DPP6: variants seen among roughly 807,000 people sequenced by gnomAD.
DPP6 encodes dipeptidyl peptidase like 6, also known as A-type potassium channel modulatory protein DPP6.
DPP6 carries 69 observed loss-of-function variants against 122.6 expected under a neutral mutation model. The observed-to-expected ratio is 0.56, with a 90% CI of 0.46 to 0.69. The LOEUF is 0.69. Among genes scored for constraint, DPP6 ranks in the 30% least tolerant of loss-of-function variants. DPP6 has a pLI of 0.00. For missense variants in DPP6, 928 were observed against 1,116.9 expected, an observed-to-expected ratio of 0.83 and a Z score of 2.41; for synonymous variants, 418 against 433.1, an observed-to-expected ratio of 0.97 and a Z score of 0.43.
intron 6 of DPP6, among the ~76,000 whole-genome samples, chr7:154,664,859 T>A (rs571496763): frequency 6.6e-6 from 1 of 152,330 alleles, no homozygotes; most frequent in South Asian, 2.1e-4. Context: ...ATATTTCTCA[T>A]GTCACCACTC....
chr7:153,998,123 A>C (rs1251870772), intron 1 of DPP6, among the ~76,000 whole-genome samples: 3 of 151,818 alleles, frequency 2.0e-5, no homozygotes, highest in East Asian at 3.9e-4. Context: ...CAGTTAGGAA[A>C]ATAAGACCAA....
intron 1 of DPP6, among the ~76,000 whole-genome samples, chr7:153,946,749 T>C (rs921907360): frequency 2.0e-5 from 3 of 152,070 alleles, no homozygotes; most frequent in Admixed American, 6.6e-5. Flanking sequence ...TGGGAAGTAA[T>C]TGATATGGAT....
chr7:154,314,112 G>A (rs1341081058), intron 1 of DPP6, among the ~76,000 whole-genome samples: 4 of 152,096 alleles, frequency 2.6e-5, no homozygotes, highest in South Asian at 2.1e-4. Context: ...GCTAACTTAC[G>A]GGGGAGTTGG....
At chr7:154,538,221 A>G (rs192794444) in intron 3 of DPP6, among the ~76,000 whole-genome samples, 1 of 152,258 alleles carries the variant, frequency 6.6e-6, no homozygotes. Flanking sequence ...GTAGTACGGC[A>G]TAATCTTTTT....
chr7:153,818,464 G>T, the DPP6 span, among the ~76,000 whole-genome samples: 1 of 151,988 alleles, frequency 6.6e-6, no homozygotes, highest in East Asian at 1.9e-4. Flanking sequence ...TGGAAGGATG[G>T]ATAATAAATT....
At position 154,483,525 on chromosome 7, in the gene DPP6, A is replaced by G. The variant is rs1339866369; in HGVS notation, c.457+8488A>G. On this transcript the variant is annotated intron_variant, in intron 3 of 25. Coordinates refer to ENST00000377770, the MANE Select transcript of DPP6 (RefSeq NM_130797.4). The surrounding 1 kb of genome is among the most constrained non-coding windows in gnomAD (Gnocchi z 8.1). ...TACAGAACAAAGACAGAAGCAAAGC[A>G]ACTATCTGATTGGTTACAGTTATGG... is the stretch of plus-strand genomic sequence containing the variant. 6.6e-6 allele frequency among the ~76,000 whole-genome samples: 1 copy of G among 152,204 alleles called. No homozygotes were observed. Among genetic ancestry groups the G allele is most frequent in the Non-Finnish European group, 1.5e-5 (1 of 68,036 alleles).
chr7:154,802,237 T>C (rs1798413604), intron 13 of DPP6, among the ~76,000 whole-genome samples: 1 of 152,156 alleles, frequency 6.6e-6, no homozygotes, highest in South Asian at 2.1e-4. Context: ...ATCACAAATA[T>C]TCTATGGCTA....
At chr7:154,732,413 A>G (rs1478230627) in intron 8 of DPP6, among the ~76,000 whole-genome samples, 1 of 152,224 alleles carries the variant, frequency 6.6e-6, no homozygotes, top group Non-Finnish European at 1.5e-5. Flanking sequence ...AAGCAGTCAC[A>G]TGCATATGCA....
intron 1 of DPP6, among the ~76,000 whole-genome samples, chr7:154,430,640 C>T (rs971132664): frequency 2.6e-5 from 4 of 152,150 alleles, no homozygotes; most frequent in African/African-American, 9.7e-5. Context: ...AGCACTTCCC[C>T]AGCCGTGCAA....
At chr7:154,040,825 A>G (rs1443017257) in intron 1 of DPP6, among the ~76,000 whole-genome samples, 1 of 151,272 alleles carries the variant, frequency 6.6e-6, no homozygotes, top group East Asian at 1.9e-4. Flanking sequence ...CCTGCGTGCT[A>G]CATGGCCTGT....
chr7:154,456,291 T>C (rs142669920), intron 2 of DPP6, among the ~76,000 whole-genome samples: 78 of 152,340 alleles, frequency 5.1e-4, no homozygotes, highest in Admixed American at 8.5e-4. Flanking sequence ...CTCAGATTGC[T>C]ACTTCATAAT....
At chr7:153,965,698 A>G (rs868735712) in intron 1 of DPP6, among the ~76,000 whole-genome samples, 157 of 151,622 alleles carry the variant, frequency 1.0e-3, no homozygotes, top group South Asian at 2.9e-3. Flanking sequence ...ATTTTTAGTA[A>G]AAACGGGGTT....
At chr7:154,526,356 G>T (rs1030222907) in intron 3 of DPP6, among the ~76,000 whole-genome samples, 1 of 152,076 alleles carries the variant, frequency 6.6e-6, no homozygotes, top group African/African-American at 2.4e-5. Context: ...TGAAAGATAG[G>T]CTGTGGTGTA....
chr7:154,628,314 C>T lies in DPP6; in HGVS notation c.628-9507C>T, dbSNP rs77173890. ...CCCATGGAAGCAAAAGAGACCAGGCCTACTGACATGCATGTACTCATGAAG... is the reference window on the plus strand; with the variant it reads ...CCCATGGAAGCAAAAGAGACCAGGCTTACTGACATGCATGTACTCATGAAG... On this transcript the variant is annotated intron_variant, in intron 5 of 25. Transcript: ENST00000377770. 3.9e-5 allele frequency among the ~76,000 whole-genome samples: 6 copies of T among 152,294 alleles called. No individual in the cohort carries two copies. In the East Asian group the frequency reaches 1.2e-3, roughly 29 times the overall value.
intron 1 of DPP6, among the ~76,000 whole-genome samples, chr7:154,191,580 TG>T (rs1216838152): frequency 9.9e-5 from 15 of 152,210 alleles, no homozygotes; most frequent in Non-Finnish European, 1.8e-4. Flanking sequence ...GTGTGCTCAG[TG>T]CATAGCTATT....
intron 1 of DPP6, among the ~76,000 whole-genome samples, chr7:153,935,865 C>T (rs1002400617): frequency 2.0e-5 from 3 of 152,204 alleles, no homozygotes; most frequent in Non-Finnish European, 2.9e-5. Flanking sequence ...ATTCTAAGGG[C>T]GGTTATCACT....
chr7:154,495,485 G>T (rs1196719614), intron 3 of DPP6, among the ~76,000 whole-genome samples: 1 of 151,772 alleles, frequency 6.6e-6, no homozygotes, highest in African/African-American at 2.4e-5. Context: ...CACTTCCCAG[G>T]TTCAAACAAT....
the DPP6 span, among the ~76,000 whole-genome samples, chr7:153,807,141 A>G: frequency 6.6e-6 from 1 of 151,898 alleles, no homozygotes; most frequent in Non-Finnish European, 1.5e-5. Flanking sequence ...GGCTGGGTGC[A>G]GTGGCTCACA....
chr7:153,953,435 CCCA>C (rs1802311520), intron 1 of DPP6, among the ~76,000 whole-genome samples: 1 of 152,084 alleles, frequency 6.6e-6, no homozygotes, highest in African/African-American at 2.4e-5. Context: ...TCCTTCTTTT[CCCA>C]CCAACCCTCA....
Sources: allele counts gnomAD v4.1 joint callset (sites outside exome capture counted in the v4.1 genomes callset), GRCh38; gene constraint gnomAD v4.1.1; non-coding constraint Gnocchi (gnomAD v3.1); transcripts MANE v1.5; gene names NCBI Gene and HGNC (gene_info 2026-07-23, HGNC 2026-07-21).